Variants in PDE8B observed in about 807,000 individuals in gnomAD.
PDE8B encodes phosphodiesterase 8B, also known as high affinity cAMP-specific and IBMX-insensitive 3',5'-cyclic phosphodiesterase 8B.
Under a neutral mutation model 101.3 loss-of-function variants are expected in PDE8B, and 26 were observed. The observed-to-expected ratio is 0.26, with a 90% CI of 0.19 to 0.36. PDE8B has a LOEUF of 0.36. PDE8B is among the 10% of genes least tolerant of loss of function. The pLI is 1.00. For missense variants in PDE8B, 810 were observed against 1,163.1 expected (o/e 0.70, Z 4.42); for synonymous variants, 424 against 429.3 (o/e 0.99, Z 0.15).
chr5:77,145,045 A>G, the PDE8B span: 4 of 152,076 alleles, frequency 2.6e-5, no homozygotes, highest in African/African-American at 9.7e-5. Context: ...AAATATCTAA[A>G]TATTAGTTTA....
At chr5:77,199,395 T>C in the PDE8B span, among the ~76,000 whole-genome samples, 1 of 152,212 alleles carries the variant, frequency 6.6e-6, no homozygotes, top group East Asian at 1.9e-4. Context: ...CTTGATTTCT[T>C]AATTTAATAA....
At chr5:77,198,084 G>T in the PDE8B span, among the ~76,000 whole-genome samples, 1 of 151,416 alleles carries the variant, frequency 6.6e-6, no homozygotes, top group African/African-American at 2.4e-5. Context: ...AATGAGTGTT[G>T]GATTTTGTTT....
chr5:77,190,979 C>A, the PDE8B span, among the ~76,000 whole-genome samples: 1 of 152,176 alleles, frequency 6.6e-6, no homozygotes, highest in African/African-American at 2.4e-5. Flanking sequence ...CCTCACAGTT[C>A]AGAAGGTTAG....
At chr5:77,187,195 A>G in the PDE8B span, among the ~76,000 whole-genome samples, 1 of 152,368 alleles carries the variant, frequency 6.6e-6, no homozygotes, top group South Asian at 2.1e-4. Flanking sequence ...TGGCCTTGAC[A>G]CAAAAGTTAT....
At chr5:77,112,332 G>T in the PDE8B span, 1 of 152,172 alleles carries the variant, frequency 6.6e-6, no homozygotes, top group African/African-American at 2.4e-5. Flanking sequence ...GTAGCATTTG[G>T]ACATTATCTG....
At chr5:77,388,773 A>T (rs1359143860) in intron 10 of PDE8B, among the ~76,000 whole-genome samples, 6 of 152,078 alleles carry the variant, frequency 3.9e-5, no homozygotes, top group African/African-American at 1.4e-4. Flanking sequence ...GCCTGCCCAG[A>T]GAGGAGGAAT....
intron 1 of PDE8B, among the ~76,000 whole-genome samples, chr5:77,229,686 C>T (rs1276972957): frequency 6.6e-6 from 1 of 152,162 alleles, no homozygotes; most frequent in Admixed American, 6.5e-5. Flanking sequence ...TAGATGGACT[C>T]ATACAATATG....
the PDE8B span, among the ~76,000 whole-genome samples, chr5:77,192,752 G>C: frequency 6.6e-6 from 1 of 152,152 alleles, no homozygotes; most frequent in Non-Finnish European, 1.5e-5. Context: ...GAAAATATTA[G>C]AGACTGCTGT....
chr5:77,168,313 G>C, the PDE8B span, among the ~76,000 whole-genome samples: 3 of 152,230 alleles, frequency 2.0e-5, no homozygotes, highest in Non-Finnish European at 4.4e-5. Flanking sequence ...GTGTCAGGCT[G>C]TTCCTTCCTG....
At chr5:77,304,359 C>T (rs1225356476) in intron 1 of PDE8B, among the ~76,000 whole-genome samples, 1 of 151,906 alleles carries the variant, frequency 6.6e-6, no homozygotes. Flanking sequence ...AAATCATTTC[C>T]CCGGCTTTGT....
chr5:77,179,926 A>C, the PDE8B span, among the ~76,000 whole-genome samples: 1 of 152,120 alleles, frequency 6.6e-6, no homozygotes, highest in African/African-American at 2.4e-5. Context: ...ATGATGTGTT[A>C]TATATGTATA....
intron 10 of PDE8B, among the ~76,000 whole-genome samples, chr5:77,379,395 C>A (rs1258887541): frequency 1.3e-5 from 2 of 152,166 alleles, no homozygotes; most frequent in African/African-American, 2.4e-5. Context: ...CAAACCAATG[C>A]ATGTTGCTTT....
intron 1 of PDE8B, among the ~76,000 whole-genome samples, chr5:77,279,297 T>C (rs1764481835): frequency 6.6e-6 from 1 of 152,232 alleles, no homozygotes; most frequent in Admixed American, 6.5e-5. Flanking sequence ...CAAAAGTTGC[T>C]ATTCTTAAGT....
the PDE8B span, chr5:77,112,165 G>C: frequency 3.9e-5 from 6 of 152,216 alleles, no homozygotes; most frequent in South Asian, 4.1e-4. Flanking sequence ...CTCATTTCCA[G>C]TGCTTAGTGG....
At chr5:77,325,443 A>T in intron 2 of PDE8B, 96 bp from the exon 3 acceptor site, 1 of 1,094,542 alleles carries the variant, frequency 9.1e-7, no homozygotes, top group Non-Finnish European at 1.4e-6. Flanking sequence ...AGCTGGGATT[A>T]CAGGCATGAG....
intron 1 of PDE8B, among the ~76,000 whole-genome samples, chr5:77,221,315 C>T (rs1258702870): frequency 2.0e-5 from 3 of 152,214 alleles, no homozygotes; most frequent in African/African-American, 7.2e-5. Context: ...TGTTGAGGAA[C>T]CTGGGTTGTT....
At chr5:77,414,703 T>A (rs1332874817) in intron 17 of PDE8B, among the ~76,000 whole-genome samples, 1 of 152,054 alleles carries the variant, frequency 6.6e-6, no homozygotes. Flanking sequence ...GTGCTGAGAT[T>A]ACAGGTGTGA....
chr5:77,427,424 TATAC>T lies in PDE8B; in HGVS notation c.*873_*876del, dbSNP rs1798349631. 1 of 152,278 alleles carries T rather than the reference TATAC, an allele frequency of 6.6e-6. No homozygotes were observed. The highest frequency in any genetic ancestry group is 1.5e-5 in the Non-Finnish European group (1 of 67,996). 9.4% of individuals were successfully genotyped at this position (152,278 alleles called of 1,614,324 possible). ...CTTAAAAAAAAAAAAAAAAAGTTTA[TATAC>T]ATGTTTAAAATTTTTATTAAAATCC... On this transcript the variant is annotated 3_prime_UTR_variant, in exon 22 of 22. Transcript: ENST00000264917.
chr5:77,243,273 A>G (rs971018049), intron 1 of PDE8B, among the ~76,000 whole-genome samples: 2 of 152,214 alleles, frequency 1.3e-5, no homozygotes, highest in Non-Finnish European at 1.5e-5. Flanking sequence ...ATACTACCAG[A>G]AAATATAATC....
Sources: gnomAD v4.1 joint callset for allele counts (sites outside exome capture counted in the v4.1 genomes callset) on GRCh38, gnomAD v4.1.1 for gene constraint, MANE v1.5 for transcripts, NCBI Gene and HGNC (gene_info 2026-07-23, HGNC 2026-07-21) for gene names.